The following ZCCHC14 variants were observed in gnomAD, a reference collection of about 807,000 sequenced individuals.
ZCCHC14 encodes the protein zinc finger CCHC domain-containing protein 14.
A neutral mutation model predicts 85.0 loss-of-function variants in ZCCHC14; 16 were observed. The ratio of observed to expected loss-of-function variants is 0.19; its 90% CI spans 0.13 to 0.29. The LOEUF (loss-of-function observed/expected upper bound fraction) is 0.29. ZCCHC14 is among the 10% of genes least tolerant of loss of function. ZCCHC14 has a pLI of 1.00. For missense variants in ZCCHC14, 1,303 were observed against 1,443.5 expected, an observed-to-expected ratio of 0.90 and a Z score of 1.58; for synonymous variants, 775 against 630.7, an observed-to-expected ratio of 1.23 and a Z score of -3.43.
Position 87,416,852 on chromosome 16 carries a change from A to T in ZCCHC14, c.1383+608T>A, listed in dbSNP as rs901329900. 3.3e-5 allele frequency among the ~76,000 whole-genome samples: 5 copies of T among 152,226 alleles called. 1 individual carries two copies. Among genetic ancestry groups the T allele is most frequent in the African/African-American group, 1.2e-4 (5 of 41,464 alleles). On this transcript the variant is annotated intron_variant, in intron 8 of 12. Transcript: ENST00000671377. ...ACTATGTAGTAAAAGCTTGATTTCT[A>T]GGTTCAATTGTAGATTTTTCGAGAA... is the stretch of plus-strand genomic sequence containing the variant.
intron 1 of ZCCHC14, among the ~76,000 whole-genome samples, chr16:87,463,174 G>A (rs572890017): frequency 7.2e-5 from 11 of 152,306 alleles, no homozygotes; most frequent in South Asian, 6.2e-4. Flanking sequence ...TTGAGGCCAC[G>A]AGTTCAAGGT....
intron 2 of ZCCHC14, among the ~76,000 whole-genome samples, chr16:87,450,135 T>G (rs1344888248): frequency 2.0e-5 from 3 of 152,180 alleles, no homozygotes; most frequent in Non-Finnish European, 4.4e-5. Flanking sequence ...GTCTTCACAC[T>G]TGAACTAAGA....
In ZCCHC14 at chr16:87,420,599, G is replaced by A. The variant is rs1333247104; in HGVS notation, c.950+8C>T. 2 of 1,609,858 alleles carry A rather than the reference G, an allele frequency of 1.2e-6. No individual in the cohort carries two copies. Among genetic ancestry groups the A allele is most frequent in the South Asian group, 1.1e-5 (1 of 90,196 alleles). ...GTGGACGCGCCGGGTGCCTGGTAAG[G>A]GCCTCACCTCAGGCCTGAGTCCAGA... On this transcript the variant is annotated splice_region_variant and intron_variant, in intron 5 of 12. Transcript: ENST00000671377. The surrounding 1 kb of genome is among the most constrained non-coding windows in gnomAD (Gnocchi z 5.0).
rs1183142748 is a variant in ZCCHC14 at position 87,412,196 on chromosome 16, T to C, written c.2525A>G (p.Asn842Ser). 3 of 1,613,978 alleles carry C rather than the reference T, an allele frequency of 1.9e-6. No homozygotes were observed. Among genetic ancestry groups the C allele is most frequent in the Non-Finnish European group, 2.5e-6 (3 of 1,180,020 alleles). Residue 842 changes from asparagine to serine, a missense_variant, in exon 12 of 13, where the codon AAC (asparagine) becomes AGC (serine). By Grantham distance (46) the Asn-to-Ser change is conservative. Transcript: ENST00000671377. Reference protein sequence around the residue: ...PLQGGFCANSNTASPSSHPST... With the variant: ...PLQGGFCANSSTASPSSHPST... ...GGGGTGGCTGCTGGGAGAGGCAGTGTTGCTGTTTGCACAGAAGCCACCCTG... is the reference window on the plus strand; with the variant it reads ...GGGGTGGCTGCTGGGAGAGGCAGTGCTGCTGTTTGCACAGAAGCCACCCTG...
chr16:87,411,617 G>A lies in ZCCHC14; in HGVS notation c.3104C>T (p.Ser1035Phe). 6.2e-7 allele frequency: 1 copy of A among 1,613,942 alleles called. No individual in the cohort carries two copies. Among genetic ancestry groups the A allele is most frequent in the Non-Finnish European group, 8.5e-7 (1 of 1,180,024 alleles). The change falls in exon 12 of 13, where the codon TCC becomes TTC. Residue 1035 changes from serine (S) to phenylalanine (F), a missense_variant. By Grantham distance (155) the Ser-to-Phe change is radical. This residue lies in a region of ZCCHC14 where 797 missense variants were observed against 730.8 expected (regional missense o/e 1.09). Coordinates refer to ENST00000671377, the MANE Select transcript of ZCCHC14 (RefSeq NM_015144.3). ...TAGGTTCCCGCTCTTTTTGTGACTG[G>A]AACCATTGCTACTGCCCACCAGTCC... ...TQGLVGSSNG[S>F]SHKKSGNLSC...
chr16:87,476,574 A>C (rs1312197927), intron 1 of ZCCHC14, among the ~76,000 whole-genome samples: 1 of 152,052 alleles, frequency 6.6e-6, no homozygotes, highest in Non-Finnish European at 1.5e-5. Flanking sequence ...CAGTATCTAC[A>C]GTGTCATCTC....
chr16:87,413,112 G>C lies in ZCCHC14; in HGVS notation c.1687C>G (p.Pro563Ala). The change falls in exon 11 of 13, where the codon CCC becomes GCC. Residue 563 changes from proline (P) to alanine (A), a missense_variant. By Grantham distance (27) the Pro-to-Ala change is conservative. This residue lies in a region of ZCCHC14 where 797 missense variants were observed against 730.8 expected (regional missense o/e 1.09). Coordinates refer to ENST00000671377, the MANE Select transcript of ZCCHC14 (RefSeq NM_015144.3). ...TCTTCCCGGGCCTGTACCCCCATGG[G>C]GCTGGAGGAGGAGCTGGAGTACTCC... The part of the protein sequence containing the change: ...SSEYSSSSSS[P>A]MGVQAREESS... 6.2e-7 allele frequency: 1 copy of C among 1,613,856 alleles called. No homozygotes were observed. Among genetic ancestry groups the C allele is most frequent in the African/African-American group, 1.3e-5 (1 of 75,052 alleles).
chr16:87,443,511 G>C (rs949648064), intron 2 of ZCCHC14, among the ~76,000 whole-genome samples: 3 of 151,624 alleles, frequency 2.0e-5, no homozygotes, highest in Admixed American at 6.6e-5. Flanking sequence ...CAAGGCAGAA[G>C]AACTGCCTGA....
intron 3 of ZCCHC14, among the ~76,000 whole-genome samples, chr16:87,430,988 A>C (rs1180908203): frequency 6.6e-6 from 1 of 152,078 alleles, no homozygotes; most frequent in Admixed American, 6.5e-5. Flanking sequence ...AAAGTACAAA[A>C]AATTAGCTGG....
intron 2 of ZCCHC14, among the ~76,000 whole-genome samples, chr16:87,459,805 G>C (rs550219806): frequency 7.9e-5 from 12 of 152,192 alleles, no homozygotes; most frequent in African/African-American, 2.9e-4. Flanking sequence ...AACCACGTCT[G>C]GACTTCTCCT....
chr16:87,444,089 G>T (rs1050135149), intron 2 of ZCCHC14, among the ~76,000 whole-genome samples: 1 of 149,942 alleles, frequency 6.7e-6, no homozygotes, highest in African/African-American at 2.5e-5. Flanking sequence ...ACACAGAAAC[G>T]GCCCTGTGGA....
At chr16:87,465,265 G>A (rs1339885538) in intron 1 of ZCCHC14, among the ~76,000 whole-genome samples, 3 of 152,216 alleles carry the variant, frequency 2.0e-5, no homozygotes, top group Non-Finnish European at 4.4e-5. Flanking sequence ...ACTTCGAACT[G>A]GGCCTGGCAT....
rs79711195 is a variant in ZCCHC14 at position 87,410,004 on chromosome 16, G to T, written c.*276C>A. On this transcript the variant is annotated 3_prime_UTR_variant, in exon 13 of 13. Transcript: ENST00000671377. ...GATGGCAATGCTCTTCGGGAGACAT[G>T]GCGTCTCTGCACTGCAACCAAAAGT... is the stretch of plus-strand genomic sequence containing the variant. The T allele has an allele frequency of 1.3e-5, 4 of 298,700 alleles. No individual in the cohort carries two copies. The highest frequency in any genetic ancestry group is 2.5e-5 in the Non-Finnish European group (4 of 162,032). 18.5% of individuals were successfully genotyped at this position (298,700 alleles called of 1,614,324 possible).
At chr16:87,479,518 T>C (rs924984363) in intron 1 of ZCCHC14, among the ~76,000 whole-genome samples, 6 of 152,138 alleles carry the variant, frequency 3.9e-5, no homozygotes, top group African/African-American at 1.2e-4. Flanking sequence ...GATGCCATAA[T>C]GCTCCCTTCT....
At chr16:87,481,683 G>A (rs1912288240) in intron 1 of ZCCHC14, among the ~76,000 whole-genome samples, 1 of 152,016 alleles carries the variant, frequency 6.6e-6, no homozygotes, top group Non-Finnish European at 1.5e-5. Context: ...AGATATTTAG[G>A]ACTTGGTCAT....
intron 1 of ZCCHC14, among the ~76,000 whole-genome samples, chr16:87,489,138 A>G (rs778865420): frequency 1.3e-5 from 2 of 152,272 alleles, no homozygotes; most frequent in Non-Finnish European, 2.9e-5. Context: ...CATCAACGTC[A>G]GCCTTAGCTT....
chr16:87,484,307 G>T (rs1238812205), intron 1 of ZCCHC14, among the ~76,000 whole-genome samples: 1 of 152,188 alleles, frequency 6.6e-6, no homozygotes, highest in East Asian at 1.9e-4. Context: ...GCAGCCTCTG[G>T]CACTTTTCCA....
intron 2 of ZCCHC14, among the ~76,000 whole-genome samples, chr16:87,436,546 T>C (rs1386358402): frequency 6.6e-6 from 1 of 152,162 alleles, no homozygotes; most frequent in Non-Finnish European, 1.5e-5. Context: ...CTGCAGCCAT[T>C]AGACGCTGTG....
At position 87,462,832 on chromosome 16, in the gene ZCCHC14, G is replaced by A. The variant is rs377708501; in HGVS notation, c.571-2701C>T. On this transcript the variant is annotated intron_variant, in intron 1 of 12. Coordinates refer to ENST00000671377, the MANE Select transcript of ZCCHC14 (RefSeq NM_015144.3). Reference sequence around the variant, plus strand: ...CGCCAGTAATCCCAGCACTTTGGGAGGCCGAGGCAGGCAGATCACCTGAGG... The same window carrying A: ...CGCCAGTAATCCCAGCACTTTGGGAAGCCGAGGCAGGCAGATCACCTGAGG... Among the ~76,000 whole-genome samples, 18 of 152,332 alleles carry A rather than the reference G, an allele frequency of 1.2e-4. No homozygotes were observed. In the East Asian group the frequency reaches 1.9e-3, roughly 16 times the overall value.
Sources: allele counts gnomAD v4.1 joint callset (sites outside exome capture counted in the v4.1 genomes callset), GRCh38; gene constraint gnomAD v4.1.1; regional missense constraint gnomAD v4.1.1; non-coding constraint Gnocchi (gnomAD v3.1); transcripts MANE v1.5; gene names NCBI Gene and HGNC (gene_info 2026-07-23, HGNC 2026-07-21).